PTPRB: variants seen among roughly 807,000 people sequenced by gnomAD.
PTPRB encodes protein tyrosine phosphatase receptor type B.
Under a neutral mutation model 238.1 loss-of-function variants are expected in PTPRB, and 97 were observed. The ratio of observed to expected loss-of-function variants is 0.41; its 90% CI spans 0.35 to 0.48. The LOEUF (loss-of-function observed/expected upper bound fraction) is 0.48, where lower values mean the gene tolerates loss of function less well. Among genes scored for constraint, PTPRB ranks in the 20% least tolerant of loss-of-function variants. The pLI is 0.30. For missense variants in PTPRB, 2,292 were observed against 2,681.9 expected (o/e 0.85, Z 3.21); for synonymous variants, 970 against 995.4 (o/e 0.97, Z 0.48).
At chr12:70,600,909 T>C (rs1334220123) in intron 4 of PTPRB, among the ~76,000 whole-genome samples, 2 of 151,976 alleles carry the variant, frequency 1.3e-5, no homozygotes, top group Non-Finnish European at 1.5e-5. Flanking sequence ...GCTCTGTCGC[T>C]GAGGCTGGAG....
At chr12:70,536,363 T>TA (rs1874123426) in intron 28 of PTPRB, among the ~76,000 whole-genome samples, 2 of 152,226 alleles carry the variant, frequency 1.3e-5, no homozygotes, top group Non-Finnish European at 2.9e-5. Flanking sequence ...CATTCCCTTT[T>TA]ACTTGCCTGG....
At chr12:70,522,211 A>G (rs1871730327) in intron 33 of PTPRB, among the ~76,000 whole-genome samples, 1 of 152,172 alleles carries the variant, frequency 6.6e-6, no homozygotes, top group Non-Finnish European at 1.5e-5. Context: ...TAGAATGGAG[A>G]TAAGAGGGTA....
intron 15 of PTPRB, among the ~76,000 whole-genome samples, chr12:70,564,858 T>C (rs1879051208): frequency 6.5e-5 from 6 of 92,152 alleles, no homozygotes; most frequent in African/African-American, 9.1e-5. Context: ...ATAATAATAA[T>C]AATAATAATA....
intron 22 of PTPRB, among the ~76,000 whole-genome samples, chr12:70,544,124 G>C (rs1422916089): frequency 1.3e-5 from 2 of 152,082 alleles, no homozygotes; most frequent in Non-Finnish European, 2.9e-5. Flanking sequence ...AAAATCACCT[G>C]TATTTCCATT....
intron 3 of PTPRB, among the ~76,000 whole-genome samples, chr12:70,620,412 A>G (rs1884875828): frequency 1.3e-5 from 2 of 152,198 alleles, no homozygotes; most frequent in Admixed American, 1.3e-4. Flanking sequence ...CTAGGCAAAA[A>G]TTGGAGACTG....
At chr12:70,624,414 C>T (rs967510512) in intron 2 of PTPRB, among the ~76,000 whole-genome samples, 2 of 152,098 alleles carry the variant, frequency 1.3e-5, no homozygotes, top group Non-Finnish European at 2.9e-5. Flanking sequence ...TCCTGTGCCG[C>T]TATTACTGCC....
chr12:70,616,247 T>A (rs1314288815), intron 3 of PTPRB, among the ~76,000 whole-genome samples: 3 of 152,146 alleles, frequency 2.0e-5, no homozygotes, highest in African/African-American at 7.2e-5. Flanking sequence ...CCCAGCCTCT[T>A]AATATTCTTT....
rs200607526 is a variant in PTPRB, at chr12:70,635,687, G to T, written c.435C>A (p.Ser145Arg). 103 of 1,613,326 alleles carry T rather than the reference G, an allele frequency of 6.4e-5. No homozygotes were observed. The highest frequency in any genetic ancestry group is 1.7e-5 in the Admixed American group (1 of 59,908). Residue 145 changes from serine (S) to arginine (R), a missense_variant, in exon 2 of 34, where the codon AGC (serine) becomes AGA (arginine). Transcript: ENST00000334414. ...ATAGCTCACCTTTTTGTAAACAGAG[G>T]CTTTCATTGACCAGTTTTCCCTCCT... is the stretch of plus-strand genomic sequence containing the variant. ...VNKEGKLVNE[S>R]LCLQKAGLGA... is the part of the protein sequence containing the mutation.
chr12:70,572,019 C>A lies in PTPRB; in HGVS notation c.2911G>T (p.Val971Leu). ...TGATCAAAGTCTCCAGTGGCATGCA[C>A]CCAGGATACCCTTAAATAGTCACTC... ...ARSDYLRVSW[V>L]HATGDFDHYE... The change falls in exon 12 of 34, where the codon GTG (valine) becomes TTG (leucine). Residue 971 changes from valine (V) to leucine (L), a missense_variant. Physicochemically the swap from Val to Leu is conservative, Grantham distance 32. Transcript: ENST00000334414. 1 of 1,613,618 alleles carries A rather than the reference C, an allele frequency of 6.2e-7. No homozygotes were observed.
intron 8 of PTPRB, among the ~76,000 whole-genome samples, chr12:70,589,534 C>T (rs576741085): frequency 3.3e-5 from 5 of 152,252 alleles, no homozygotes; most frequent in South Asian, 4.1e-4. Context: ...ATTTCAGTAT[C>T]CTTATTCTTC....
At chr12:70,634,098 ACT>A (rs1206341308) in intron 2 of PTPRB, among the ~76,000 whole-genome samples, 1 of 152,210 alleles carries the variant, frequency 6.6e-6, no homozygotes, top group African/African-American at 2.4e-5. Context: ...AGAAACTATA[ACT>A]CTCAACTTTT....
intron 26 of PTPRB, chr12:70,539,376 A>ATTC: frequency 1.8e-6 from 1 of 550,750 alleles, no homozygotes; most frequent in Non-Finnish European, 3.2e-6. Flanking sequence ...AGATTTGTTA[A>ATTC]TTCTTCCTTA....
chr12:70,590,376 G>A, intron 7 of PTPRB, 143 bp from the exon 8 acceptor site: 1 of 777,128 alleles, frequency 1.3e-6, no homozygotes. Flanking sequence ...TCTGTGGATT[G>A]CAAATGAGTG....
At chr12:70,525,296 T>C (rs1872259615) in intron 32 of PTPRB, 1 of 152,210 alleles carries the variant, frequency 6.6e-6, no homozygotes, top group Non-Finnish European at 1.5e-5. Flanking sequence ...CCCAATTTCA[T>C]TGCATTACTG....
intron 29 of PTPRB, 136 bp from the exon 30 acceptor site, chr12:70,535,091 A>G (rs1873898288): frequency 1.0e-6 from 1 of 1,002,094 alleles, no homozygotes; most frequent in African/African-American, 1.6e-5. Context: ...CATCTACTTT[A>G]TATTAACCTT....
At position 70,576,550 on chromosome 12, in the gene PTPRB, A is replaced by G; in HGVS notation, c.2674T>C (p.Tyr892His). 1 of 1,556,360 alleles carries G rather than the reference A, an allele frequency of 6.4e-7. No homozygotes were observed. Reference protein sequence around the residue: ...WLLAPGDVDNYEVTLSHDGKV... With the variant: ...WLLAPGDVDNHEVTLSHDGKV... ...CCGTCATGAGACAATGTTACCTCATAGTTATCCACATCTCCGGGCGCCAGC... is the reference window on the plus strand; with the variant it reads ...CCGTCATGAGACAATGTTACCTCATGGTTATCCACATCTCCGGGCGCCAGC... Residue 892 changes from tyrosine (Y) to histidine (H), a missense_variant, in exon 11 of 34, where the codon TAT (tyrosine) becomes CAT (histidine). This residue lies in a region of PTPRB where 1,205 missense variants were observed against 1,287.8 expected (regional missense o/e 0.94). Transcript: ENST00000334414.
intron 3 of PTPRB, among the ~76,000 whole-genome samples, chr12:70,619,904 ACTCATTTTTACT>A (rs1193367783): frequency 6.6e-6 from 1 of 152,170 alleles, no homozygotes; most frequent in Non-Finnish European, 1.5e-5. Flanking sequence ...ATCCCAAGTG[ACTCATTTTTACT>A]TTTCAAAGTA....
intron 31 of PTPRB, among the ~76,000 whole-genome samples, chr12:70,533,784 TGAGGACACAGCCTTTGTCTGCTCTG>T (rs1177980099): frequency 1.3e-5 from 2 of 152,182 alleles, no homozygotes; most frequent in African/African-American, 4.8e-5. Context: ...TCCCTCTATG[TGAGGACACAGCCTTTGTCTGCTCTG>T]GAGGACACAG....
At chr12:70,631,550 A>G (rs553934188) in intron 2 of PTPRB, among the ~76,000 whole-genome samples, 1 of 152,338 alleles carries the variant, frequency 6.6e-6, no homozygotes, top group Admixed American at 6.5e-5. Context: ...CACCAAAAGC[A>G]ATGGCAACAA....
Sources: gnomAD v4.1 joint callset for allele counts (sites outside exome capture counted in the v4.1 genomes callset) on GRCh38, gnomAD v4.1.1 for gene constraint, gnomAD v4.1.1 regional missense constraint, MANE v1.5 for transcripts, NCBI Gene and HGNC (gene_info 2026-07-23, HGNC 2026-07-21) for gene names.